C10orf53: variants seen among roughly 807,000 people sequenced by gnomAD.
C10orf53 encodes the protein chromosome 10 open reading frame 53.
C10orf53 carries 8 observed loss-of-function variants against 9.4 expected under a neutral mutation model. The observed-to-expected ratio is 0.85, with a 90% CI of 0.50 to 1.53. The LOEUF (loss-of-function observed/expected upper bound fraction) is 1.53, where lower values mean the gene tolerates loss of function less well. C10orf53 is among the 40% of genes most tolerant of loss of function. The pLI is 0.00. For synonymous variants in C10orf53, 48 were observed against 46.0 expected (o/e 1.04, Z -0.18); for missense variants, 117 against 117.8 (o/e 0.99, Z 0.03).
chr10:49,698,086 T>C (rs1840651194), downstream of C10orf53, among the ~76,000 whole-genome samples: 1 of 151,928 alleles, frequency 6.6e-6, no homozygotes, highest in African/African-American at 2.4e-5. Flanking sequence ...AGGCCAGGGG[T>C]TCCAGACCAG....
At chr10:49,687,058 G>A (rs1184812996) in intron 1 of C10orf53, among the ~76,000 whole-genome samples, 1 of 152,200 alleles carries the variant, frequency 6.6e-6, no homozygotes, top group Non-Finnish European at 1.5e-5. Flanking sequence ...CTTTGATTCA[G>A]TATTCACTTG....
At position 49,690,059 on chromosome 10, in the gene C10orf53, C is replaced by T. The variant is rs1375688319; in HGVS notation, c.98-3715C>T. 2.0e-5 allele frequency among the ~76,000 whole-genome samples: 3 copies of T among 152,194 alleles called. No homozygotes were observed. The South Asian group carries it at 6.2e-4, about 32-fold the overall frequency. On this transcript the variant is annotated intron_variant, in intron 1 of 2. Transcript: ENST00000374111. ...GACGGCAGGCTCTGGACTTGGTGAG[C>T]TGAAGGCTTCCCTGCAGGAGGTGAG...
At chr10:49,685,199 T>C (rs1439412712) in intron 1 of C10orf53, among the ~76,000 whole-genome samples, 1 of 152,080 alleles carries the variant, frequency 6.6e-6, no homozygotes, top group African/African-American at 2.4e-5. Flanking sequence ...TTTTTGACTA[T>C]ATGCTGATGC....
intron 2 of C10orf53, 146 bp from the exon 3 acceptor site, chr10:49,694,392 C>T (rs913867685): frequency 2.5e-5 from 28 of 1,123,696 alleles, no homozygotes; most frequent in Non-Finnish European, 3.5e-5. Context: ...CTTTGCAATC[C>T]ACTAACACTC....
chr10:49,692,550 AC>A (rs1840594705), intron 1 of C10orf53, among the ~76,000 whole-genome samples: 1 of 152,250 alleles, frequency 6.6e-6, no homozygotes, highest in Non-Finnish European at 1.5e-5. Context: ...AAATGGCAAG[AC>A]TTTAAAGAAT....
chr10:49,691,659 A>G (rs1199081215), intron 1 of C10orf53, among the ~76,000 whole-genome samples: 18 of 152,282 alleles, frequency 1.2e-4, no homozygotes, highest in East Asian at 3.9e-4. Context: ...CGGTGGATCA[A>G]TTCCTGTTTC....
chr10:49,699,190 CTTTT>C (rs67695235), downstream of C10orf53, among the ~76,000 whole-genome samples: 7 of 64,890 alleles, frequency 1.1e-4, no homozygotes, highest in South Asian at 9.1e-4. Context: ...GTGGCTCAAT[CTTTT>C]TTTTTTTTTT....
chr10:49,709,621 TC>T (rs1840748262), exon 3 of C10orf53: 1 of 152,250 alleles, frequency 6.6e-6, no homozygotes, highest in South Asian at 2.1e-4. Flanking sequence ...ACTGAGACAC[TC>T]CTGTGTGGTT....
chr10:49,705,872 G>A (rs1345472414), intron 2 of C10orf53, among the ~76,000 whole-genome samples: 1 of 150,520 alleles, frequency 6.6e-6, no homozygotes, highest in African/African-American at 2.4e-5. Flanking sequence ...TCATATATCT[G>A]ATAAAGTACT....
At chr10:49,703,798 CAATAAA>C (rs1162999489) in intron 2 of C10orf53, among the ~76,000 whole-genome samples, 2 of 152,116 alleles carry the variant, frequency 1.3e-5, no homozygotes, top group South Asian at 2.1e-4. Context: ...AATGCTATAC[CAATAAA>C]AATGCCAGAA....
intron 2 of C10orf53, among the ~76,000 whole-genome samples, chr10:49,707,754 G>A (rs1218090237): frequency 6.6e-6 from 1 of 152,106 alleles, no homozygotes; most frequent in Non-Finnish European, 1.5e-5. Context: ...AAGCCAGGTA[G>A]CACGCCGCAT....
chr10:49,698,774 T>C (rs1840657301), downstream of C10orf53, among the ~76,000 whole-genome samples: 1 of 152,134 alleles, frequency 6.6e-6, no homozygotes, highest in African/African-American at 2.4e-5. Flanking sequence ...TGAGTGGATG[T>C]TCCCACTCAT....
chr10:49,708,200 A>G (rs1383116861), intron 2 of C10orf53, among the ~76,000 whole-genome samples: 2 of 152,198 alleles, frequency 1.3e-5, no homozygotes, highest in African/African-American at 4.8e-5. Context: ...CAAGCAGTTT[A>G]AGCCAGCTGC....
downstream of C10orf53, among the ~76,000 whole-genome samples, chr10:49,701,782 A>G (rs1298431553): frequency 6.6e-6 from 1 of 151,758 alleles, no homozygotes; most frequent in African/African-American, 2.4e-5. Flanking sequence ...TGCCAGCCAC[A>G]CTGGCTTGCT....
At chr10:49,680,183 G>A (rs1415907185) in intron 1 of C10orf53, among the ~76,000 whole-genome samples, 3 of 152,214 alleles carry the variant, frequency 2.0e-5, no homozygotes, top group Non-Finnish European at 1.5e-5. Context: ...TATTAAGCAC[G>A]CAGTGTGTGT....
exon 3 of C10orf53, chr10:49,709,973 CTGTG>C (rs71026266): frequency 0.16 from 4,970 of 31,394 alleles, 122 homozygotes; most frequent in Non-Finnish European, 0.2. Flanking sequence ...GTGTGTGTGT[CTGTG>C]TGTGTGTGTG....
At chr10:49,699,371 T>C (rs1395381069), downstream of C10orf53, among the ~76,000 whole-genome samples, 1 of 151,676 alleles carries the variant, frequency 6.6e-6, no homozygotes, top group Non-Finnish European at 1.5e-5. Context: ...TTTTTCTTAT[T>C]TTTTGGTAGA....
exon 3 of C10orf53, chr10:49,709,173 TTGACA>T (rs1366338843): frequency 1.3e-5 from 2 of 155,692 alleles, no homozygotes; most frequent in African/African-American, 4.8e-5. Context: ...AAACAGAGTC[TTGACA>T]TGAGCAAGTA....
At chr10:49,702,034 T>A (rs1294256199), downstream of C10orf53, among the ~76,000 whole-genome samples, 1 of 152,002 alleles carries the variant, frequency 6.6e-6, no homozygotes, top group African/African-American at 2.4e-5. Context: ...AAACCCCGTC[T>A]CTACTAACAA....
Sources: allele counts gnomAD v4.1 joint callset (sites outside exome capture counted in the v4.1 genomes callset), GRCh38; gene constraint gnomAD v4.1.1; transcripts MANE v1.5; gene names NCBI Gene and HGNC (gene_info 2026-07-23, HGNC 2026-07-21).